Variants in ABCB1 observed in about 807,000 individuals in gnomAD.
ABCB1 encodes the protein ATP binding cassette subfamily B member 1.
In ABCB1, 69 loss-of-function variants were observed where a neutral mutation model predicts 142.0. The observed-to-expected ratio is 0.49, with a 90% CI of 0.40 to 0.59. The LOEUF is 0.59. Ranked by LOEUF, ABCB1 falls within the 20% of genes least tolerant of loss-of-function variation. The pLI is 0.00. For missense variants in ABCB1, 1,326 were observed against 1,554.7 expected (o/e 0.85, Z 2.47); for synonymous variants, 532 against 539.2 (o/e 0.99, Z 0.18).
intron 1 of ABCB1, among the ~76,000 whole-genome samples, chr7:87,677,803 A>G (rs541289785): frequency 6.6e-6 from 1 of 152,352 alleles, no homozygotes; most frequent in South Asian, 2.1e-4. Flanking sequence ...TGCCAGAGAA[A>G]TATAATTTAT....
chr7:87,518,106 T>C (rs1323744185), intron 23 of ABCB1, among the ~76,000 whole-genome samples: 2 of 152,248 alleles, frequency 1.3e-5, no homozygotes, highest in Middle Eastern at 3.2e-3. Context: ...CCGCCCAGAA[T>C]ACAGGGAATT....
intron 1 of ABCB1, among the ~76,000 whole-genome samples, chr7:87,618,744 G>A (rs888616637): frequency 4.6e-5 from 7 of 152,198 alleles, no homozygotes; most frequent in Admixed American, 2.6e-4. Flanking sequence ...TATCTAGGTA[G>A]GCGAAATCTA....
intron 18 of ABCB1, among the ~76,000 whole-genome samples, chr7:87,539,987 T>C (rs1451243597): frequency 6.6e-6 from 1 of 152,246 alleles, no homozygotes. Flanking sequence ...ATAGTTGGTA[T>C]GGCAATCCTA....
At chr7:87,571,183 G>T (rs896470441) in intron 4 of ABCB1, among the ~76,000 whole-genome samples, 1 of 152,172 alleles carries the variant, frequency 6.6e-6, no homozygotes, top group East Asian at 1.9e-4. Context: ...ACTATTTCTA[G>T]CAAAGTGAAC....
At chr7:87,601,316 T>C (rs561741667), upstream of ABCB1, among the ~76,000 whole-genome samples, 1 of 152,330 alleles carries the variant, frequency 6.6e-6, no homozygotes, top group Non-Finnish European at 1.5e-5. Flanking sequence ...GAGAAATTTT[T>C]CTGCAGTGGT....
At chr7:87,614,859 G>C (rs978743224) in intron 1 of ABCB1, among the ~76,000 whole-genome samples, 1 of 151,496 alleles carries the variant, frequency 6.6e-6, no homozygotes, top group Non-Finnish European at 1.5e-5. Context: ...GGTGGGGGGG[G>C]CCGGGGAACG....
chr7:87,513,821 A>G (rs755059345), intron 25 of ABCB1, among the ~76,000 whole-genome samples: 52 of 152,196 alleles, frequency 3.4e-4, no homozygotes, highest in Non-Finnish European at 6.5e-4. Context: ...ATGCCCTACA[A>G]TTCATTATAG....
intron 20 of ABCB1, among the ~76,000 whole-genome samples, chr7:87,534,806 C>T (rs1230537860): frequency 3.3e-5 from 5 of 150,344 alleles, no homozygotes; most frequent in Non-Finnish European, 7.4e-5. Flanking sequence ...TCCCAGCTAC[C>T]AGGAAGGCTG....
chr7:87,512,103 T>C (rs1008690342), intron 25 of ABCB1, among the ~76,000 whole-genome samples: 1 of 151,942 alleles, frequency 6.6e-6, no homozygotes, highest in Non-Finnish European at 1.5e-5. Flanking sequence ...GGGACCAGAA[T>C]CTTTAAGCTT....
intron 1 of ABCB1, among the ~76,000 whole-genome samples, chr7:87,633,208 T>C (rs1316602720): frequency 6.6e-6 from 1 of 152,252 alleles, no homozygotes; most frequent in Non-Finnish European, 1.5e-5. Flanking sequence ...AGTGCTTTAC[T>C]CAGCATTTAT....
intron 1 of ABCB1, among the ~76,000 whole-genome samples, chr7:87,622,664 A>G (rs181109146): frequency 6.6e-6 from 1 of 152,306 alleles, no homozygotes; most frequent in East Asian, 1.9e-4. Flanking sequence ...CTATGTGTAC[A>G]GTATGGGAGT....
At chr7:87,665,833 A>G (rs1030496478) in intron 1 of ABCB1, among the ~76,000 whole-genome samples, 7 of 152,102 alleles carry the variant, frequency 4.6e-5, no homozygotes, top group African/African-American at 1.7e-4. Flanking sequence ...AGGAATGATG[A>G]TCTCCAGCTT....
upstream of ABCB1, among the ~76,000 whole-genome samples, chr7:87,603,837 A>G (rs1200864411): frequency 6.6e-6 from 1 of 152,226 alleles, no homozygotes; most frequent in Non-Finnish European, 1.5e-5. Context: ...GCTATCCCAC[A>G]GTTACCTTTT....
Position 87,545,947 on chromosome 7 carries a change from G to C in ABCB1, c.1803C>G (p.Phe601Leu). The change falls in exon 15 of 28, where the codon TTC becomes TTG. Residue 601 changes from phenylalanine to leucine, a missense_variant. Phe to Leu is a conservative substitution (Grantham distance 22). Transcript: ENST00000622132. The part of the protein sequence containing the change: ...TVRNADVIAG[F>L]DDGVIVEKGN... ...CTTTCTCCACAATGACTCCATCATC[G>C]AAACCAGCGATGACGTCAGCATTAC... 6.2e-7 allele frequency: 1 copy of C among 1,614,024 alleles called. No homozygotes were observed. The highest frequency in any genetic ancestry group is 8.5e-7 in the Non-Finnish European group (1 of 1,180,010).
rs1399302922 is a variant in ABCB1, at chr7:87,549,938, G to A, written c.1467C>T (p.Arg489=). Residue 489 remains arginine, a synonymous_variant, in exon 13 of 28, where the codon CGC becomes CGT. Transcript: ENST00000622132. ...CCATGGTGACATTTTCACGGCCATA[G>A]CGAATGTTTTCAGCTATCGTGGTGG... ...LFATTIAENI[R]YGRENVTMDE... 1.9e-6 allele frequency: 3 copies of A among 1,614,062 alleles called. No individual in the cohort carries two copies. Among genetic ancestry groups the A allele is most frequent in the East Asian group, 2.2e-5 (1 of 44,902 alleles).
At chr7:87,624,574 T>C (rs1820339693) in intron 1 of ABCB1, among the ~76,000 whole-genome samples, 1 of 152,230 alleles carries the variant, frequency 6.6e-6, no homozygotes, top group Non-Finnish European at 1.5e-5. Flanking sequence ...ATCTACTGTT[T>C]TCATAATTTT....
intron 1 of ABCB1, among the ~76,000 whole-genome samples, chr7:87,655,909 C>CT (rs1824055161): frequency 6.6e-6 from 1 of 151,934 alleles, no homozygotes; most frequent in Admixed American, 6.6e-5. Flanking sequence ...GGAGTTTGTC[C>CT]TTTTTTGCCA....
intron 5 of ABCB1, among the ~76,000 whole-genome samples, chr7:87,567,416 A>G (rs997448019): frequency 6.6e-6 from 1 of 152,204 alleles, no homozygotes; most frequent in Non-Finnish European, 1.5e-5. Context: ...CCACTGTAAT[A>G]TTTTTATTAC....
rs1362919289 is a variant in ABCB1, at chr7:87,561,323, T to C, written c.767A>G (p.Glu256Gly). The C allele has an allele frequency of 3.7e-6, 6 of 1,613,930 alleles. No individual in the cohort carries two copies. Residue 256 changes from glutamate to glycine, a missense_variant, in exon 8 of 28, where the codon GAG becomes GGG. By Grantham distance (98) the Glu-to-Gly change is moderately conservative. Transcript: ENST00000622132. The part of the protein sequence containing the change: ...AYAKAGAVAE[E>G]VLAAIRTVIA... The stretch of plus-strand genomic sequence containing the variant: ...CACAGTTCTAATTGCTGCCAAGACC[T>C]CTTCAGCTACTGCTCCAGCTTTTGC...
Sources: gnomAD v4.1 joint callset for allele counts (sites outside exome capture counted in the v4.1 genomes callset) on GRCh38, gnomAD v4.1.1 for gene constraint, MANE v1.5 for transcripts, NCBI Gene and HGNC (gene_info 2026-07-23, HGNC 2026-07-21) for gene names.